Variants in AUTS2 observed in about 807,000 individuals in gnomAD.
AUTS2 encodes the protein autism susceptibility gene 2 protein.
A neutral mutation model predicts 112.4 loss-of-function variants in AUTS2; 17 were observed. The observed-to-expected ratio is 0.15, with a 90% CI of 0.10 to 0.23. The LOEUF (loss-of-function observed/expected upper bound fraction) is 0.23, where lower values mean the gene tolerates loss of function less well. AUTS2 is among the 10% of genes least tolerant of loss of function. AUTS2 has a pLI of 1.00. For synonymous variants in AUTS2, 751 were observed against 702.7 expected (o/e 1.07, Z -1.09); for missense variants, 1,510 against 1,701.6 (o/e 0.89, Z 1.98).
chr7:69,625,745 C>T (rs1036467722), intron 1 of AUTS2, among the ~76,000 whole-genome samples: 1 of 151,922 alleles, frequency 6.6e-6, no homozygotes, highest in Non-Finnish European at 1.5e-5. Flanking sequence ...GTAGTCCTGT[C>T]TACTCGGGAG....
At chr7:70,153,637 T>C (rs1807577322) in intron 4 of AUTS2, among the ~76,000 whole-genome samples, 1 of 152,250 alleles carries the variant, frequency 6.6e-6, no homozygotes, top group Non-Finnish European at 1.5e-5. Flanking sequence ...TTCCCTGCTG[T>C]TGTTAACACC....
At position 69,623,381 on chromosome 7, in the gene AUTS2, A is replaced by ATTTTTTT. The variant is rs56204810; in HGVS notation, c.309+23438_309+23444dup. Among the ~76,000 whole-genome samples the ATTTTTTT allele has an allele frequency of 8.3e-4, 60 of 71,926 alleles. 1 individual carries two copies. The highest frequency in any genetic ancestry group is 1.9e-3 in the South Asian group (3 of 1,540). The allele number at this position is 71,926 out of a possible 152,430, so 47.2% of individuals were successfully genotyped here. A position where few individuals can be genotyped will look rare whatever the true frequency, so the allele number is the denominator to read the frequency against. On this transcript the variant is annotated intron_variant, in intron 1 of 18. Coordinates refer to ENST00000342771, the MANE Select transcript of AUTS2 (RefSeq NM_015570.4). Reference sequence around the variant, plus strand: ...GGGACTACCACCACCACGCCCAGCAATTTTTTTTTTTTTTTTTTTTTTTTT... The same window carrying ATTTTTTT: ...GGGACTACCACCACCACGCCCAGCAATTTTTTTTTTTTTTTTTTTTTTTTTTTTTTTT...
intron 6 of AUTS2, among the ~76,000 whole-genome samples, chr7:70,711,431 A>T (rs1296309281): frequency 1.3e-5 from 2 of 152,188 alleles, no homozygotes; most frequent in African/African-American, 4.8e-5. Flanking sequence ...GGGCCTCATT[A>T]TGCTTTCTGC....
chr7:69,786,313 AT>A (rs1789373332), intron 1 of AUTS2, among the ~76,000 whole-genome samples: 1 of 152,202 alleles, frequency 6.6e-6, no homozygotes, highest in Non-Finnish European at 1.5e-5. Flanking sequence ...TAGCTAAAGG[AT>A]TGTAAATGCA....
chr7:70,248,470 G>T (rs1384827641), intron 4 of AUTS2, among the ~76,000 whole-genome samples: 2 of 151,984 alleles, frequency 1.3e-5, no homozygotes, highest in African/African-American at 2.4e-5. Context: ...TATATAGATT[G>T]ATTTTTTTTA....
chr7:70,303,505 A>G (rs1477409193), intron 4 of AUTS2, among the ~76,000 whole-genome samples: 1 of 150,478 alleles, frequency 6.6e-6, no homozygotes, highest in Non-Finnish European at 1.5e-5. Flanking sequence ...GTATCACATA[A>G]TCACTCTTCT....
chr7:70,639,508 G>T (rs537347075), intron 5 of AUTS2, among the ~76,000 whole-genome samples: 8 of 148,694 alleles, frequency 5.4e-5, no homozygotes, highest in Non-Finnish European at 1.1e-4. Context: ...CTCAGCTACT[G>T]GGGGGGTGGT....
chr7:69,876,065 CT>C (rs1793722007), intron 1 of AUTS2, among the ~76,000 whole-genome samples: 1 of 151,460 alleles, frequency 6.6e-6, no homozygotes, highest in South Asian at 2.1e-4. Context: ...TGAATTTTAA[CT>C]TTAAAAAATA....
At chr7:70,657,477 G>A (rs777028032) in intron 5 of AUTS2, among the ~76,000 whole-genome samples, 1 of 152,174 alleles carries the variant, frequency 6.6e-6, no homozygotes, top group East Asian at 1.9e-4. Context: ...AGAGAGCTGG[G>A]AAAGGAAGCA....
intron 4 of AUTS2, among the ~76,000 whole-genome samples, chr7:70,297,572 G>A (rs1003780942): frequency 1.3e-5 from 2 of 151,892 alleles, no homozygotes; most frequent in African/African-American, 4.8e-5. Context: ...TGGGACTACA[G>A]GCGCCTGCCA....
intron 5 of AUTS2, among the ~76,000 whole-genome samples, chr7:70,621,323 G>T (rs902141649): frequency 2.0e-5 from 3 of 152,154 alleles, no homozygotes; most frequent in Admixed American, 1.3e-4. Context: ...AGGGTGGGGG[G>T]TTCTCCCCTT....
chr7:69,631,110 T>C (rs1794215156), intron 1 of AUTS2, among the ~76,000 whole-genome samples: 1 of 152,176 alleles, frequency 6.6e-6, no homozygotes, highest in Admixed American at 6.5e-5. Context: ...TTTTTAACTT[T>C]GGGTTGAGTG....
intron 2 of AUTS2, among the ~76,000 whole-genome samples, chr7:69,941,088 G>A (rs1041628262): frequency 5.3e-5 from 8 of 152,096 alleles, no homozygotes; most frequent in Admixed American, 1.3e-4. Flanking sequence ...ATGTACACAC[G>A]CACACACATT....
chr7:70,024,254 C>T (rs1047587330), intron 2 of AUTS2, among the ~76,000 whole-genome samples: 2 of 152,188 alleles, frequency 1.3e-5, no homozygotes, highest in African/African-American at 4.8e-5. Context: ...TGTCCTAATG[C>T]AATTTTGATG....
At chr7:69,633,705 T>C (rs1794381606) in intron 1 of AUTS2, among the ~76,000 whole-genome samples, 1 of 152,222 alleles carries the variant, frequency 6.6e-6, no homozygotes, top group African/African-American at 2.4e-5. Context: ...AGTAATGATG[T>C]TGAGCACCTT....
chr7:69,832,343 G>A (rs1003245191), intron 1 of AUTS2, among the ~76,000 whole-genome samples: 3 of 152,198 alleles, frequency 2.0e-5, no homozygotes, highest in Non-Finnish European at 4.4e-5. Flanking sequence ...AGCCACTGAT[G>A]TACCTATAGG....
chr7:69,835,582 G>A (rs555937082), intron 1 of AUTS2, among the ~76,000 whole-genome samples: 34 of 152,274 alleles, frequency 2.2e-4, no homozygotes, highest in Non-Finnish European at 1.3e-4. Context: ...AACCATAATA[G>A]ATATTGCAGG....
intron 1 of AUTS2, among the ~76,000 whole-genome samples, chr7:69,879,582 A>G (rs1320751559): frequency 6.6e-6 from 1 of 152,188 alleles, no homozygotes; most frequent in African/African-American, 2.4e-5. Context: ...AGCATTTCCT[A>G]GATCTTGACA....
At chr7:69,649,899 A>C (rs1795216384) in intron 1 of AUTS2, among the ~76,000 whole-genome samples, 1 of 152,228 alleles carries the variant, frequency 6.6e-6, no homozygotes, top group Non-Finnish European at 1.5e-5. Flanking sequence ...GGAAGAAAAG[A>C]GAACAGTGCC....
Sources: gnomAD v4.1 joint callset for allele counts (sites outside exome capture counted in the v4.1 genomes callset) on GRCh38, gnomAD v4.1.1 for gene constraint, MANE v1.5 for transcripts, NCBI Gene and HGNC (gene_info 2026-07-23, HGNC 2026-07-21) for gene names.